The following ASTN2 variants were observed in gnomAD, a reference collection of about 807,000 sequenced individuals.
The protein encoded by ASTN2 is astrotactin-2.
In ASTN2, 54 loss-of-function variants were observed where a neutral mutation model predicts 139.8. That is an observed-to-expected ratio of 0.39 (90% confidence interval 0.31 to 0.48). The LOEUF (loss-of-function observed/expected upper bound fraction) is 0.48. Ranked by LOEUF, ASTN2 falls within the 20% of genes least tolerant of loss-of-function variation. The probability of loss-of-function intolerance (pLI) is 0.95; values close to 1 mark genes in which losing one functional copy is unlikely to be tolerated. For missense variants in ASTN2, 1,565 were observed against 1,725.1 expected (o/e 0.91, Z 1.64); for synonymous variants, 756 against 719.5 (o/e 1.05, Z -0.81).
At chr9:117,164,139 G>C (rs767098763) in intron 3 of ASTN2, among the ~76,000 whole-genome samples, 3 of 151,954 alleles carry the variant, frequency 2.0e-5, no homozygotes, top group Non-Finnish European at 4.4e-5. Context: ...ACATCCACTG[G>C]GTTTTAATAT....
intron 3 of ASTN2, chr9:117,180,836 A>G (rs1831045117): frequency 6.4e-7 from 1 of 1,552,456 alleles, no homozygotes; most frequent in Admixed American, 1.7e-5. Context: ...GTGAAGCCCC[A>G]CTTCTTTGAG....
intron 5 of ASTN2, among the ~76,000 whole-genome samples, chr9:117,075,978 T>C (rs1476132322): frequency 2.0e-5 from 3 of 152,132 alleles, no homozygotes; most frequent in Non-Finnish European, 4.4e-5. Context: ...ACCATTTAAC[T>C]CCAGGGTCAT....
At chr9:116,749,680 A>C (rs1829347124) in intron 13 of ASTN2, among the ~76,000 whole-genome samples, 1 of 152,214 alleles carries the variant, frequency 6.6e-6, no homozygotes, top group Non-Finnish European at 1.5e-5. Flanking sequence ...ATGTGGAAAC[A>C]TAATCCCCAG....
chr9:117,228,597 T>C (rs1832789310), intron 2 of ASTN2, among the ~76,000 whole-genome samples: 1 of 152,156 alleles, frequency 6.6e-6, no homozygotes, highest in Non-Finnish European at 1.5e-5. Flanking sequence ...GGAGGTGCTC[T>C]GTGGCATGAT....
chr9:117,180,769 T>C, intron 3 of ASTN2: 3 of 1,565,158 alleles, frequency 1.9e-6, no homozygotes, highest in Non-Finnish European at 2.6e-6. Context: ...CCCACAGCCA[T>C]CAGGGATGAG....
At chr9:117,281,554 A>T (rs939695387) in intron 2 of ASTN2, among the ~76,000 whole-genome samples, 1 of 152,186 alleles carries the variant, frequency 6.6e-6, no homozygotes, top group African/African-American at 2.4e-5. Context: ...CCTCACTGCA[A>T]ATGTGCTCAC....
chr9:116,839,877 TA>T (rs1280032729), intron 11 of ASTN2, among the ~76,000 whole-genome samples: 10 of 107,592 alleles, frequency 9.3e-5, no homozygotes, highest in South Asian at 5.5e-4. Flanking sequence ...TTATTATTAT[TA>T]TTATTTTTTT....
At chr9:116,641,050 T>C (rs1040273204) in intron 17 of ASTN2, among the ~76,000 whole-genome samples, 1 of 152,176 alleles carries the variant, frequency 6.6e-6, no homozygotes, top group Non-Finnish European at 1.5e-5. Context: ...TAGAAAATAC[T>C]GTCAGAAGAA....
intron 13 of ASTN2, among the ~76,000 whole-genome samples, chr9:116,786,086 G>C (rs1156355719): frequency 6.6e-6 from 1 of 152,034 alleles, no homozygotes; most frequent in Non-Finnish European, 1.5e-5. Flanking sequence ...ATCCACCGAG[G>C]CTCCTTTTGG....
chr9:116,813,908 C>T (rs543449286), intron 12 of ASTN2, among the ~76,000 whole-genome samples: 54 of 151,812 alleles, frequency 3.6e-4, no homozygotes, highest in Admixed American at 1.2e-3. Flanking sequence ...TGGTGGTGAG[C>T]GCCTGTAATC....
chr9:116,636,164 TCTC>T (rs1315721597), intron 17 of ASTN2, among the ~76,000 whole-genome samples: 1 of 152,160 alleles, frequency 6.6e-6, no homozygotes, highest in Non-Finnish European at 1.5e-5. Flanking sequence ...TACTGATACT[TCTC>T]CTTCTGAGCG....
chr9:116,900,126 G>A (rs1833970676), intron 10 of ASTN2, among the ~76,000 whole-genome samples: 1 of 152,164 alleles, frequency 6.6e-6, no homozygotes, highest in African/African-American at 2.4e-5. Flanking sequence ...AACTGAATCT[G>A]CATTTATTAA....
chr9:116,514,765 G>A (rs937760760), intron 19 of ASTN2, among the ~76,000 whole-genome samples: 3 of 152,166 alleles, frequency 2.0e-5, no homozygotes, highest in Non-Finnish European at 2.9e-5. Context: ...AGCAGTAAGC[G>A]AGGCTCCATG....
intron 12 of ASTN2, 58 bp downstream of exon 12, chr9:116,820,559 C>A: frequency 6.4e-7 from 1 of 1,565,362 alleles, no homozygotes; most frequent in South Asian, 1.2e-5. Context: ...TGATCATTTT[C>A]CCATGCATCC....
chr9:117,248,337 G>A (rs1158222362), intron 2 of ASTN2, among the ~76,000 whole-genome samples: 2 of 152,232 alleles, frequency 1.3e-5, no homozygotes, highest in African/African-American at 4.8e-5. Flanking sequence ...GTAGCTACTT[G>A]CTTAAGTGGA....
At chr9:116,427,384 TA>T (rs1447509766) in intron 22 of ASTN2, among the ~76,000 whole-genome samples, 11 of 152,310 alleles carry the variant, frequency 7.2e-5, no homozygotes, top group Non-Finnish European at 1.3e-4. Context: ...CCACTTTCAT[TA>T]AAAATGTGGA....
intron 16 of ASTN2, among the ~76,000 whole-genome samples, chr9:116,691,241 A>G (rs1201275593): frequency 6.6e-6 from 1 of 152,152 alleles, no homozygotes; most frequent in Non-Finnish European, 1.5e-5. Flanking sequence ...TCATAATCTC[A>G]TGATTAAATG....
chr9:116,444,740 T>C (rs899672090), intron 20 of ASTN2, among the ~76,000 whole-genome samples: 1 of 152,196 alleles, frequency 6.6e-6, no homozygotes, highest in African/African-American at 2.4e-5. Flanking sequence ...TTTTACTGTC[T>C]AGCATTGTGA....
Position 117,017,567 on chromosome 9 carries a change from C to A in ASTN2, c.1424-9308G>T, listed in dbSNP as rs189642208. On this transcript the variant is annotated intron_variant, in intron 6 of 22. Coordinates refer to ENST00000313400, the MANE Select transcript of ASTN2 (RefSeq NM_001365068.1). ...CAAATCACATAGTCTTGGTAAGCCT[C>A]CTGCATTTCTTAATCTGTACCATGT... Among the ~76,000 whole-genome samples, 27 of 152,274 alleles carry A rather than the reference C, an allele frequency of 1.8e-4. No individual in the cohort carries two copies. The East Asian group carries it at 5.0e-3, about 28-fold the overall frequency.
Sources: allele counts gnomAD v4.1 joint callset (sites outside exome capture counted in the v4.1 genomes callset), GRCh38; gene constraint gnomAD v4.1.1; transcripts MANE v1.5; gene names NCBI Gene and HGNC (gene_info 2026-07-23, HGNC 2026-07-21).